The following AP2B1 variants were observed in gnomAD, a reference collection of about 807,000 sequenced individuals.
The protein encoded by AP2B1 is adaptor related protein complex 2 subunit beta 1.
AP2B1 carries 23 observed loss-of-function variants against 102.0 expected under a neutral mutation model. The ratio of observed to expected loss-of-function variants is 0.23; its 90% CI spans 0.16 to 0.32. The LOEUF (loss-of-function observed/expected upper bound fraction) is 0.32. AP2B1 is among the 10% of genes least tolerant of loss of function. The pLI is 1.00. For synonymous variants in AP2B1, 381 were observed against 421.2 expected, an observed-to-expected ratio of 0.90 and a Z score of 1.17; for missense variants, 541 against 1,157.4, an observed-to-expected ratio of 0.47 and a Z score of 7.73.
intron 12 of AP2B1, among the ~76,000 whole-genome samples, chr17:35,648,552 AC>A (rs2075002264): frequency 1.3e-5 from 2 of 151,976 alleles, no homozygotes; most frequent in South Asian, 2.1e-4. Context: ...ATACATACAT[AC>A]ATACATACAA....
At chr17:35,613,547 ATT>A (rs1185006212) in intron 5 of AP2B1, among the ~76,000 whole-genome samples, 3 of 152,202 alleles carry the variant, frequency 2.0e-5, no homozygotes, top group Non-Finnish European at 1.5e-5. Context: ...ATCTCACTCT[ATT>A]AAGTCCTAGC....
intron 10 of AP2B1, 106 bp from the exon 11 acceptor site, chr17:35,639,489 G>T: frequency 1.1e-6 from 1 of 898,232 alleles, no homozygotes; most frequent in Non-Finnish European, 1.7e-6. Context: ...TTACAGTTTG[G>T]TGGTTTGGTT....
At chr17:35,709,430 T>C in intron 19 of AP2B1, 122 bp downstream of exon 19, 1 of 733,650 alleles carries the variant, frequency 1.4e-6, no homozygotes. Flanking sequence ...TTAAGGATAT[T>C]CTAAAGCTCT....
chr17:35,623,272 G>A (rs2074232800), intron 5 of AP2B1, among the ~76,000 whole-genome samples: 1 of 151,986 alleles, frequency 6.6e-6, no homozygotes, highest in African/African-American at 2.4e-5. Flanking sequence ...GTATAAGGTA[G>A]CAATTTTTCA....
chr17:35,694,619 T>A (rs1355996140), intron 18 of AP2B1, among the ~76,000 whole-genome samples: 1 of 152,050 alleles, frequency 6.6e-6, no homozygotes, highest in Non-Finnish European at 1.5e-5. Flanking sequence ...CTCACACCTG[T>A]AATCCCAGAA....
At chr17:35,626,193 C>T (rs192503889) in intron 6 of AP2B1, among the ~76,000 whole-genome samples, 4 of 152,276 alleles carry the variant, frequency 2.6e-5, no homozygotes, top group Admixed American at 1.3e-4. Flanking sequence ...GCCACAACTG[C>T]GTTTGCTGTC....
In AP2B1 at chr17:35,682,780, A is replaced by T; in HGVS notation, c.2410A>T (p.Thr804Ser). 1 of 1,613,022 alleles carries T rather than the reference A, an allele frequency of 6.2e-7. No individual in the cohort carries two copies. The highest frequency in any genetic ancestry group is 8.5e-7 in the Non-Finnish European group (1 of 1,179,246). ...CATTGATGTCTCCCTGCCTCTCAAT[A>T]CCTTGGGCCCAGTCATGAAGATGGA... ...QSIDVSLPLN[T>S]LGPVMKMEPL... Residue 804 changes from threonine (T) to serine (S), a missense_variant, in exon 18 of 22, where the codon ACC (threonine) becomes TCC (serine). Physicochemically the swap from Thr to Ser is moderately conservative, Grantham distance 58. Coordinates refer to ENST00000610402, the MANE Select transcript of AP2B1 (RefSeq NM_001030006.2).
intron 5 of AP2B1, among the ~76,000 whole-genome samples, chr17:35,616,102 C>T (rs951689550): frequency 4.7e-5 from 6 of 126,662 alleles, no homozygotes; most frequent in African/African-American, 5.8e-5. Context: ...ATCATTACGT[C>T]GTTTTATATT....
chr17:35,649,776 T>G (rs1318712808), intron 12 of AP2B1, among the ~76,000 whole-genome samples: 1 of 152,122 alleles, frequency 6.6e-6, no homozygotes, highest in Non-Finnish European at 1.5e-5. Flanking sequence ...TTTGTTTGCT[T>G]TTTGAGACAG....
intron 3 of AP2B1, among the ~76,000 whole-genome samples, chr17:35,601,357 T>G (rs1343910488): frequency 6.6e-6 from 1 of 152,128 alleles, no homozygotes; most frequent in Non-Finnish European, 1.5e-5. Flanking sequence ...TGAGATGGAG[T>G]CTTGCTCCAT....
chr17:35,622,480 A>G (rs1297787627), intron 5 of AP2B1, among the ~76,000 whole-genome samples: 1 of 152,246 alleles, frequency 6.6e-6, no homozygotes, highest in Admixed American at 6.5e-5. Flanking sequence ...ATCAATAGCT[A>G]GATTGTAGTC....
chr17:35,655,387 G>T (rs1316890153), intron 13 of AP2B1, among the ~76,000 whole-genome samples: 1 of 152,126 alleles, frequency 6.6e-6, no homozygotes, highest in African/African-American at 2.4e-5. Context: ...TATCACTATA[G>T]ATTCATTTTG....
intron 14 of AP2B1, among the ~76,000 whole-genome samples, chr17:35,667,575 A>C (rs1213425296): frequency 6.6e-6 from 1 of 152,256 alleles, no homozygotes; most frequent in South Asian, 2.1e-4. Flanking sequence ...GATAATATTC[A>C]TATATCATTC....
intron 19 of AP2B1, 81 bp downstream of exon 19, chr17:35,709,389 T>A: frequency 8.5e-7 from 1 of 1,172,558 alleles, no homozygotes. Flanking sequence ...CCCAGAAGTT[T>A]TGAGTTATTT....
chr17:35,637,219 C>T (rs1598127075), intron 10 of AP2B1, among the ~76,000 whole-genome samples: 2 of 152,200 alleles, frequency 1.3e-5, no homozygotes, highest in East Asian at 3.9e-4. Flanking sequence ...TGGAGTCTCA[C>T]TCTGTTGCCC....
intron 18 of AP2B1, among the ~76,000 whole-genome samples, chr17:35,689,571 G>A (rs1025032050): frequency 5.3e-5 from 8 of 152,080 alleles, no homozygotes; most frequent in Admixed American, 2.0e-4. Context: ...TCGAATCAAT[G>A]TTCAGATTTT....
At chr17:35,612,488 G>C (rs920053678) in intron 5 of AP2B1, among the ~76,000 whole-genome samples, 1 of 152,112 alleles carries the variant, frequency 6.6e-6, no homozygotes, top group African/African-American at 2.4e-5. Context: ...CATCTCAACT[G>C]TATTCCCTAC....
intron 11 of AP2B1, among the ~76,000 whole-genome samples, chr17:35,640,234 T>TA (rs1567876053): frequency 2.3e-4 from 7 of 30,340 alleles, no homozygotes; most frequent in East Asian, 2.0e-3. Flanking sequence ...CTGATTTTTT[T>TA]TTTTTTTTTT....
intron 9 of AP2B1, among the ~76,000 whole-genome samples, chr17:35,630,111 C>CA (rs1444653486): frequency 6.6e-6 from 1 of 152,180 alleles, no homozygotes; most frequent in African/African-American, 2.4e-5. Flanking sequence ...AGATGTGTGT[C>CA]AGAGAATCTT....
Sources: gnomAD v4.1 joint callset for allele counts (sites outside exome capture counted in the v4.1 genomes callset) on GRCh38, gnomAD v4.1.1 for gene constraint, MANE v1.5 for transcripts, NCBI Gene and HGNC (gene_info 2026-07-23, HGNC 2026-07-21) for gene names.